MDN1: variants seen among roughly 807,000 people sequenced by gnomAD.
MDN1 encodes the protein midasin AAA ATPase 1.
Under a neutral mutation model 669.2 loss-of-function variants are expected in MDN1, and 266 were observed. The observed-to-expected ratio is 0.40, with a 90% CI of 0.36 to 0.44. The LOEUF (loss-of-function observed/expected upper bound fraction) is 0.44, where lower values mean the gene tolerates loss of function less well. Ranked by LOEUF, MDN1 falls within the 20% of genes least tolerant of loss-of-function variation. The pLI is 1.00. For synonymous variants in MDN1, 2,385 were observed against 2,457.1 expected, an observed-to-expected ratio of 0.97 and a Z score of 0.87; for missense variants, 5,940 against 6,754.0, an observed-to-expected ratio of 0.88 and a Z score of 4.22.
Position 89,654,150 on chromosome 6 carries a change from C to CT in MDN1, c.15661+13dup. On this transcript the variant is annotated intron_variant, in intron 93 of 101. Transcript: ENST00000369393. ...AGAGCGCCTGGGAAGGGTTTGTTCACTAGCAGGACTCACCCAAGGGTGCTG... is the reference window on the plus strand; with the variant it reads ...AGAGCGCCTGGGAAGGGTTTGTTCACTTAGCAGGACTCACCCAAGGGTGCTG... 1 of 1,613,876 alleles carries CT rather than the reference C, an allele frequency of 6.2e-7. No homozygotes were observed. The highest frequency in any genetic ancestry group is 8.5e-7 in the Non-Finnish European group (1 of 1,179,858).
rs1266789569 is a variant in MDN1, at chr6:89,685,830, T to G, written c.11716A>C (p.Lys3906Gln). Residue 3906 changes from lysine to glutamine, a missense_variant, in exon 70 of 102, where the codon AAG becomes CAG. Coordinates refer to ENST00000369393, the MANE Select transcript of MDN1 (RefSeq NM_014611.3). ...HVLLMPQVEG[K>Q]DSLCSVLWNL... Reference sequence around the variant, plus strand: ...GAAAGGAAAAAAAAATCCTCACCCTTTCCTTCAACCTGTGGCATCAGCAAG... The same window carrying G: ...GAAAGGAAAAAAAAATCCTCACCCTGTCCTTCAACCTGTGGCATCAGCAAG... 5 of 1,612,108 alleles carry G rather than the reference T, an allele frequency of 3.1e-6. No homozygotes were observed. The South Asian group carries it at 5.5e-5, about 18-fold the overall frequency.
intron 2 of MDN1, among the ~76,000 whole-genome samples, chr6:89,801,524 A>ATG (rs1767658720): frequency 2.6e-5 from 4 of 152,074 alleles, no homozygotes; most frequent in South Asian, 4.1e-4. Flanking sequence ...GGTGGCACGC[A>ATG]CCTGTAGTCC....
chr6:89,803,484 G>C lies in MDN1; in HGVS notation c.173C>G (p.Thr58Ser), dbSNP rs1767797973. ...GCGAAGCTGGCGACCAACCAGCACA[G>C]TACAGTCCTTATCCAAAAGCAACTG... ...LAQLLLDKDC[T>S]VLVGRQLRPL... Residue 58 changes from threonine (T) to serine (S), a missense_variant, in exon 2 of 102, where the codon ACT becomes AGT. Thr to Ser is a moderately conservative substitution (Grantham distance 58). This residue lies in a region of MDN1 where 1,203 missense variants were observed against 1,268.9 expected (regional missense o/e 0.95). Coordinates refer to ENST00000369393, the MANE Select transcript of MDN1 (RefSeq NM_014611.3). The C allele has an allele frequency of 6.2e-7, 1 of 1,614,102 alleles. No homozygotes were observed. The highest frequency in any genetic ancestry group is 8.5e-7 in the Non-Finnish European group (1 of 1,180,012).
intron 53 of MDN1, among the ~76,000 whole-genome samples, chr6:89,705,786 G>A (rs994596550): frequency 2.0e-5 from 3 of 152,100 alleles, no homozygotes; most frequent in Non-Finnish European, 2.9e-5. Flanking sequence ...GGGGGTGATG[G>A]ATATGTTCAT....
chr6:89,764,757 G>GT (rs1817717977), intron 15 of MDN1, among the ~76,000 whole-genome samples: 1 of 152,202 alleles, frequency 6.6e-6, no homozygotes, highest in African/African-American at 2.4e-5. Context: ...GCAGAAGAAA[G>GT]TGGTTGGAGC....
At chr6:89,665,699 T>C in intron 84 of MDN1, among the ~76,000 whole-genome samples, 3 of 66,766 alleles carry the variant, frequency 4.5e-5, no homozygotes, top group African/African-American at 6.1e-5. Flanking sequence ...AGAGCAAGAC[T>C]CCGTTTCAAA....
Position 89,756,220 on chromosome 6 carries a change from T to C in MDN1, c.2816+57A>G, listed in dbSNP as rs987663270. ...ATACATATTTGTGTGTGTGCACGAG[T>C]AGCACATTTTCATGTTCAGAGAAAG... On this transcript the variant is annotated intron_variant, in intron 20 of 101. Coordinates refer to ENST00000369393, the MANE Select transcript of MDN1 (RefSeq NM_014611.3). The C allele has an allele frequency of 2.6e-5, 20 of 768,868 alleles. No individual in the cohort carries two copies. The African/African-American group carries it at 3.4e-4, about 13-fold the overall frequency. 47.6% of individuals were successfully genotyped at this position (768,868 alleles called of 1,614,324 possible).
Position 89,683,963 on chromosome 6 carries a change from T to G in MDN1, c.11830-59A>C. ...ATAAAGCTAGTGTCATTCTGTTTCT[T>G]TCTAGATTTCTGTTCAGCAAAGACC... On this transcript the variant is annotated intron_variant, in intron 71 of 101. Transcript: ENST00000369393. The G allele has an allele frequency of 3.1e-6, 4 of 1,300,928 alleles. No individual in the cohort carries two copies. In the Admixed American group the frequency reaches 5.2e-5, roughly 17 times the overall value. The allele number at this position is 1,300,928 out of a possible 1,614,324, so 80.6% of individuals were successfully genotyped here.
In MDN1 at chr6:89,661,461, C is replaced by T. The variant is rs559001086; in HGVS notation, c.14683G>A (p.Gly4895Ser). ...CCTTCTTCATTGTCGGTGTCCTCACCACCATTCTTGTCTTCACTGTCGAGG... is the reference window on the plus strand; with the variant it reads ...CCTTCTTCATTGTCGGTGTCCTCACTACCATTCTTGTCTTCACTGTCGAGG... The part of the protein sequence containing the change: ...LNLDSEDKNG[G>S]EDTDNEEGEE... Residue 4895 changes from glycine (G) to serine (S), a missense_variant, in exon 88 of 102, where the codon GGT (glycine) becomes AGT (serine). Around this residue, in one of 5 missense-constraint regions of MDN1, gnomAD observed 2,280 missense variants for 2,576.3 expected, o/e 0.88. Coordinates refer to ENST00000369393, the MANE Select transcript of MDN1 (RefSeq NM_014611.3). The T allele has an allele frequency of 1.1e-5, 17 of 1,613,946 alleles. 1 individual carries two copies. In the South Asian group the frequency reaches 1.6e-4, roughly 16 times the overall value.
At chr6:89,676,810 C>G (rs1811224069) in intron 76 of MDN1, among the ~76,000 whole-genome samples, 1 of 152,184 alleles carries the variant, frequency 6.6e-6, no homozygotes. Context: ...CCAGTTCATG[C>G]AAAGCATCAT....
intron 5 of MDN1, among the ~76,000 whole-genome samples, chr6:89,790,877 G>A (rs1212612077): frequency 6.6e-6 from 1 of 152,078 alleles, no homozygotes; most frequent in African/African-American, 2.4e-5. Flanking sequence ...AAAAACATTA[G>A]CTGGACATGG....
At chr6:89,654,052 T>C (rs1330307702) in intron 93 of MDN1, 112 bp downstream of exon 93, 1 of 1,245,758 alleles carries the variant, frequency 8.0e-7, no homozygotes. Flanking sequence ...TTCATTCATC[T>C]AAGCCATGGA....
chr6:89,784,591 A>G (rs1818857864), intron 9 of MDN1, among the ~76,000 whole-genome samples: 1 of 152,144 alleles, frequency 6.6e-6, no homozygotes, highest in Non-Finnish European at 1.5e-5. Flanking sequence ...AATGTAGAAA[A>G]CCTATAAAGT....
chr6:89,731,810 C>G (rs1052854793), intron 34 of MDN1, among the ~76,000 whole-genome samples: 3 of 59,842 alleles, frequency 5.0e-5, no homozygotes, highest in Admixed American at 1.6e-4. Context: ...CCCCCCCCCC[C>G]ACCTTTTCCT....
intron 1 of MDN1, among the ~76,000 whole-genome samples, chr6:89,817,260 A>G (rs1768903573): frequency 6.6e-6 from 1 of 152,182 alleles, no homozygotes; most frequent in African/African-American, 2.4e-5. Context: ...AGCCATGGTC[A>G]CTCACATTTA....
chr6:89,748,109 A>T lies in MDN1; in HGVS notation c.3763-639T>A, dbSNP rs564409155. 6.6e-5 allele frequency among the ~76,000 whole-genome samples: 10 copies of T among 151,946 alleles called. No individual in the cohort carries two copies. In the East Asian group the frequency reaches 1.9e-3, roughly 30 times the overall value. Reference sequence around the variant, plus strand: ...TGGGAGGCCAAGGCGGGCGGATCACAAGGTCAGGAGATCGAGACCATCCTG... The same window carrying T: ...TGGGAGGCCAAGGCGGGCGGATCACTAGGTCAGGAGATCGAGACCATCCTG... On this transcript the variant is annotated intron_variant, in intron 26 of 101. Transcript: ENST00000369393.
At chr6:89,743,888 C>G (rs891087394) in intron 29 of MDN1, among the ~76,000 whole-genome samples, 174 bp from the exon 30 acceptor site, 1 of 152,060 alleles carries the variant, frequency 6.6e-6, no homozygotes, top group African/African-American at 2.4e-5. Context: ...CACGACTGCA[C>G]TCTCCCATAT....
rs1811174046 is a variant in MDN1 at position 89,676,191 on chromosome 6, A to G, written c.12556T>C (p.Ser4186Pro). 6.2e-7 allele frequency: 1 copy of G among 1,614,242 alleles called. No individual in the cohort carries two copies. The highest frequency in any genetic ancestry group is 1.7e-5 in the Admixed American group (1 of 60,034). Residue 4186 changes from serine to proline, a missense_variant, in exon 77 of 102, where the codon TCG becomes CCG. Transcript: ENST00000369393. ...EADSRLLTEI[S>P]SSWDGCQKYF... is the part of the protein sequence containing the mutation. ...TTCTGGCATCCATCCCATGAAGACG[A>G]GATTTCTGTAAGCAGCCTGGAAAAG...
chr6:89,668,184 G>A (rs765600235), intron 83 of MDN1, 33 bp from the exon 84 acceptor site: 3 of 1,609,938 alleles, frequency 1.9e-6, no homozygotes, highest in Middle Eastern at 1.7e-4. Flanking sequence ...TGAACAATTA[G>A]GCACAAAAGC....
Sources: allele counts gnomAD v4.1 joint callset (sites outside exome capture counted in the v4.1 genomes callset), GRCh38; gene constraint gnomAD v4.1.1; regional missense constraint gnomAD v4.1.1; transcripts MANE v1.5; gene names NCBI Gene and HGNC (gene_info 2026-07-23, HGNC 2026-07-21).